HRH4: variants seen among roughly 807,000 people sequenced by gnomAD.
The protein encoded by HRH4 is histamine H4 receptor.
In HRH4, 12 loss-of-function variants were observed where a neutral mutation model predicts 10.4. The observed-to-expected ratio is 1.15, with a 90% CI of 0.74 to 1.87. The LOEUF (loss-of-function observed/expected upper bound fraction) is 1.87. Ranked by LOEUF, HRH4 falls within the 40% of genes most tolerant of loss-of-function variation. HRH4 has a pLI of 0.00. For missense variants in HRH4, 415 were observed against 453.3 expected (o/e 0.92, Z 0.77); for synonymous variants, 154 against 166.6 (o/e 0.92, Z 0.58).
In HRH4 at chr18:24,476,774, G is replaced by T. The variant is rs767733893; in HGVS notation, c.385G>T (p.Val129Phe). The T allele has an allele frequency of 2.4e-5, 38 of 1,613,966 alleles. No homozygotes were observed. Among genetic ancestry groups the T allele is most frequent in the Middle Eastern group, 1.6e-4 (1 of 6,080 alleles). ...GTCTTATAGAACTCAACATACTGGGGTCTTGAAGATTGTTACTCTGATGGT... is the reference window on the plus strand; with the variant it reads ...GTCTTATAGAACTCAACATACTGGGTTCTTGAAGATTGTTACTCTGATGGT... The part of the protein sequence containing the change: ...AVSYRTQHTG[V>F]LKIVTLMVAV... Residue 129 changes from valine (V) to phenylalanine (F), a missense_variant, in exon 3 of 3, where the codon GTC becomes TTC. By Grantham distance (50) the Val-to-Phe change is conservative. Coordinates refer to ENST00000256906, the MANE Select transcript of HRH4 (RefSeq NM_021624.4).
chr18:24,469,007 G>T, intron 2 of HRH4, 56 bp downstream of exon 2: 3 of 1,373,290 alleles, frequency 2.2e-6, no homozygotes, highest in South Asian at 1.5e-5. Flanking sequence ...GTATATGATG[G>T]GTCCTCAAGC....
intron 2 of HRH4, among the ~76,000 whole-genome samples, chr18:24,472,199 G>A (rs1006939962): frequency 6.6e-6 from 1 of 152,072 alleles, no homozygotes; most frequent in African/African-American, 2.4e-5. Context: ...GCGCGTGCCA[G>A]CGCGCTTGGC....
intron 1 of HRH4, among the ~76,000 whole-genome samples, chr18:24,466,091 T>C (rs1378836891): frequency 2.6e-5 from 4 of 151,608 alleles, no homozygotes; most frequent in Non-Finnish European, 5.9e-5. Context: ...GTGGACCTGG[T>C]GACCTATATT....
intron 1 of HRH4, 84 bp downstream of exon 1, chr18:24,461,005 G>T (rs1437394906): frequency 9.4e-7 from 1 of 1,067,238 alleles, no homozygotes; most frequent in African/African-American, 1.6e-5. Context: ...TGTTATTTCA[G>T]GGGACTGTAT....
chr18:24,465,563 A>C (rs533649046), intron 1 of HRH4, among the ~76,000 whole-genome samples: 1 of 152,266 alleles, frequency 6.6e-6, no homozygotes, highest in African/African-American at 2.4e-5. Context: ...GCTCCATTTG[A>C]CCCAAAAACA....
intron 2 of HRH4, 99 bp from the exon 3 acceptor site, chr18:24,476,648 C>A: frequency 1.1e-6 from 1 of 905,532 alleles, no homozygotes; most frequent in Non-Finnish European, 1.7e-6. Context: ...TTAATGTCTC[C>A]ATCCTTTGCA....
In HRH4 at chr18:24,460,913, T is replaced by G; in HGVS notation, c.185T>G (p.Phe62Cys). The G allele has an allele frequency of 6.4e-7, 1 of 1,555,512 alleles. No individual in the cohort carries two copies. Among genetic ancestry groups the G allele is most frequent in the Non-Finnish European group, 8.8e-7 (1 of 1,139,152 alleles). ...TTTCTTAACTTGGCCATCTCTGACT[T>G]CTTTGTGGGTAAGTTATATGTCTTT... is the stretch of plus-strand genomic sequence containing the variant. The part of the protein sequence containing the change: ...YFFLNLAISD[F>C]FVGVISIPLY... Residue 62 changes from phenylalanine (F) to cysteine (C), a missense_variant, in exon 1 of 3, where the codon TTC (phenylalanine) becomes TGC (cysteine). By Grantham distance (205) the Phe-to-Cys change is radical. Coordinates refer to ENST00000256906, the MANE Select transcript of HRH4 (RefSeq NM_021624.4).
chr18:24,468,262 G>A (rs926410943), intron 1 of HRH4, among the ~76,000 whole-genome samples: 3 of 151,964 alleles, frequency 2.0e-5, no homozygotes, highest in African/African-American at 4.8e-5. Flanking sequence ...GGCTAGTTAC[G>A]AACTCCTGTC....
In HRH4 at chr18:24,477,076, AG is replaced by A; in HGVS notation, c.689del (p.Gly230ValfsTer38). 6.2e-7 allele frequency: 1 copy of A among 1,614,228 alleles called. No individual in the cohort carries two copies. The highest frequency in any genetic ancestry group is 8.5e-7 in the Non-Finnish European group (1 of 1,180,050). On this transcript the variant is annotated frameshift_variant, in exon 3 of 3. Coordinates refer to ENST00000256906, the MANE Select transcript of HRH4 (RefSeq NM_021624.4). LOFTEE classifies it low-confidence loss of function (END_TRUNC). ...SSNICGHSFRGRLSSRRSLSA... is the reference protein window; with the variant it reads ...SSNICGHSFRXRLSSRRSLSA... ...CCAACATCTGTGGACACTCATTCAG[AG>A]GTAGACTATCTTCAAGGAGATCTCT...
At chr18:24,471,673 G>T (rs1388329697) in intron 2 of HRH4, among the ~76,000 whole-genome samples, 1 of 141,086 alleles carries the variant, frequency 7.1e-6, no homozygotes, top group Admixed American at 7.1e-5. Flanking sequence ...GAAACCTTCA[G>T]ATTATCTTGT....
intron 1 of HRH4, among the ~76,000 whole-genome samples, chr18:24,468,519 T>A (rs1388724999): frequency 6.6e-6 from 1 of 152,326 alleles, no homozygotes; most frequent in African/African-American, 2.4e-5. Flanking sequence ...ATTTTCTATC[T>A]GTGGTTGGTT....
At chr18:24,467,941 G>A (rs1261072164) in intron 1 of HRH4, among the ~76,000 whole-genome samples, 4 of 152,146 alleles carry the variant, frequency 2.6e-5, no homozygotes, top group African/African-American at 9.7e-5. Context: ...ATGTGTTTGG[G>A]GGAAGGGTGG....
rs1910142255 is a variant in HRH4 at position 24,476,770 on chromosome 18, T to C, written c.381T>C (p.Thr127=). 1.2e-6 allele frequency: 2 copies of C among 1,614,018 alleles called. No individual in the cohort carries two copies. Among genetic ancestry groups the C allele is most frequent in the Admixed American group, 3.3e-5 (2 of 60,006 alleles). ...SNAVSYRTQH[T]GVLKIVTLMV... The stretch of plus-strand genomic sequence containing the variant: ...AGGTGTCTTATAGAACTCAACATAC[T>C]GGGGTCTTGAAGATTGTTACTCTGA... The change falls in exon 3 of 3, where the codon ACT becomes ACC. Residue 127 remains threonine (T), a synonymous_variant. Transcript: ENST00000256906.
rs1261868839 is a variant in HRH4 at position 24,478,320 on chromosome 18, T to A, written c.*758T>A. 2 of 152,226 alleles carry A rather than the reference T, an allele frequency of 1.3e-5. No homozygotes were observed. Among genetic ancestry groups the A allele is most frequent in the Non-Finnish European group, 2.9e-5 (2 of 68,052 alleles). 9.4% of individuals were successfully genotyped at this position (152,226 alleles called of 1,614,324 possible). On this transcript the variant is annotated 3_prime_UTR_variant, in exon 3 of 3. Coordinates refer to ENST00000256906, the MANE Select transcript of HRH4 (RefSeq NM_021624.4). ...ATAGAAGAAGAAGGCTAAGAGATGG[T>A]GAAGAGACTGCATGATTAAACTAGA...
At chr18:24,461,843 C>G (rs1169595112) in intron 1 of HRH4, among the ~76,000 whole-genome samples, 6 of 150,960 alleles carry the variant, frequency 4.0e-5, no homozygotes, top group Non-Finnish European at 7.4e-5. Flanking sequence ...AGTATCTAGC[C>G]TGTATAATAC....
chr18:24,479,843 A>G lies in HRH4; in HGVS notation c.*2281A>G, dbSNP rs548872569. 6 of 152,340 alleles carry G rather than the reference A, an allele frequency of 3.9e-5. No homozygotes were observed. The highest frequency in any genetic ancestry group is 1.4e-4 in the African/African-American group (6 of 41,590). The allele number at this position is 152,340 out of a possible 1,614,324, so 9.4% of individuals were successfully genotyped here. A position where few individuals can be genotyped will look rare whatever the true frequency, so the allele number is the denominator to read the frequency against. On this transcript the variant is annotated 3_prime_UTR_variant, in exon 3 of 3. Transcript: ENST00000256906. ...CTTTTAAGTACATGAGTGCTTAGAA[A>G]TGTACATAATGTTTATATACACTTA...
chr18:24,465,337 C>A (rs1020174042), intron 1 of HRH4, among the ~76,000 whole-genome samples: 2 of 151,808 alleles, frequency 1.3e-5, no homozygotes, highest in Non-Finnish European at 2.9e-5. Context: ...AAACAGAAGG[C>A]GCCCTTGGGG....
Position 24,460,790 on chromosome 18 carries a change from T to G in HRH4, c.62T>G (p.Phe21Cys). 6.4e-7 allele frequency: 1 copy of G among 1,564,832 alleles called. No individual in the cohort carries two copies. The highest frequency in any genetic ancestry group is 8.7e-7 in the Non-Finnish European group (1 of 1,145,368). Residue 21 changes from phenylalanine to cysteine, a missense_variant, in exon 1 of 3, where the codon TTT (phenylalanine) becomes TGT (cysteine). Physicochemically the swap from Phe to Cys is radical, Grantham distance 205. Coordinates refer to ENST00000256906, the MANE Select transcript of HRH4 (RefSeq NM_021624.4). ...AGCACTCGTGTTACTTTAGCATTTT[T>G]TATGTCCTTAGTAGCTTTTGCTATA... is the stretch of plus-strand genomic sequence containing the variant. Reference protein sequence around the residue: ...SLSTRVTLAFFMSLVAFAIML... With the variant: ...SLSTRVTLAFCMSLVAFAIML...
At chr18:24,475,268 C>T (rs979273838) in intron 2 of HRH4, among the ~76,000 whole-genome samples, 6 of 148,792 alleles carry the variant, frequency 4.0e-5, no homozygotes, top group African/African-American at 1.5e-4. Flanking sequence ...AGTCATATCT[C>T]TCAAAGTGGC....
Sources: allele counts gnomAD v4.1 joint callset (sites outside exome capture counted in the v4.1 genomes callset), GRCh38; gene constraint gnomAD v4.1.1; transcripts MANE v1.5; gene names NCBI Gene and HGNC (gene_info 2026-07-23, HGNC 2026-07-21).